The following SHROOM3 variants were observed in gnomAD, a reference collection of about 807,000 sequenced individuals.
The protein encoded by SHROOM3 is protein Shroom3.
Under a neutral mutation model 138.6 loss-of-function variants are expected in SHROOM3, and 47 were observed. That is an observed-to-expected ratio of 0.34 (90% confidence interval 0.27 to 0.43). SHROOM3 has a LOEUF of 0.43. Ranked by LOEUF, SHROOM3 falls within the 20% of genes least tolerant of loss-of-function variation. The probability of loss-of-function intolerance (pLI) is 1.00; values close to 1 mark genes in which losing one functional copy is unlikely to be tolerated. For synonymous variants in SHROOM3, 1,062 were observed against 1,063.3 expected (o/e 1.00, Z 0.02); for missense variants, 2,491 against 2,596.5 (o/e 0.96, Z 0.88).
chr4:76,490,360 C>G (rs1333682258), intron 1 of SHROOM3, among the ~76,000 whole-genome samples: 2 of 152,170 alleles, frequency 1.3e-5, no homozygotes, highest in African/African-American at 4.8e-5. Context: ...AGTTTCCCAT[C>G]TGACATGCAG....
At chr4:76,663,530 C>G (rs1229275396) in intron 2 of SHROOM3, among the ~76,000 whole-genome samples, 1 of 152,128 alleles carries the variant, frequency 6.6e-6, no homozygotes, top group African/African-American at 2.4e-5. Flanking sequence ...AGCCCAATCT[C>G]TCGTGAAGCT....
intron 2 of SHROOM3, among the ~76,000 whole-genome samples, chr4:76,640,677 T>C (rs1735641604): frequency 6.6e-6 from 1 of 152,240 alleles, no homozygotes; most frequent in Admixed American, 6.5e-5. Context: ...GTCTCTGAGC[T>C]GGTTGGCATC....
intron 2 of SHROOM3, among the ~76,000 whole-genome samples, chr4:76,590,256 T>C (rs1000285482): frequency 5.3e-5 from 8 of 152,186 alleles, no homozygotes; most frequent in African/African-American, 1.9e-4. Context: ...CTCTCTCCTC[T>C]GGCTTTTTCC....
intron 2 of SHROOM3, among the ~76,000 whole-genome samples, chr4:76,596,221 A>G (rs1407056849): frequency 6.6e-6 from 1 of 152,150 alleles, no homozygotes; most frequent in Non-Finnish European, 1.5e-5. Context: ...GAAATGTTTG[A>G]TATTCAGTAA....
intron 2 of SHROOM3, among the ~76,000 whole-genome samples, chr4:76,590,294 A>G (rs1203521797): frequency 6.6e-6 from 1 of 152,142 alleles, no homozygotes; most frequent in Non-Finnish European, 1.5e-5. Context: ...TTAGTTTATA[A>G]CAAATTTCAA....
intron 1 of SHROOM3, among the ~76,000 whole-genome samples, chr4:76,537,854 T>C (rs1733013543): frequency 6.6e-6 from 1 of 152,218 alleles, no homozygotes; most frequent in African/African-American, 2.4e-5. Flanking sequence ...AAGGTGATTA[T>C]GGTGATGGTT....
chr4:76,762,423 G>C (rs1462331686), intron 9 of SHROOM3, among the ~76,000 whole-genome samples: 1 of 152,206 alleles, frequency 6.6e-6, no homozygotes, highest in African/African-American at 2.4e-5. Context: ...AGGAAAAACA[G>C]CTCACATTTG....
chr4:76,658,695 T>C (rs748933815), intron 2 of SHROOM3, among the ~76,000 whole-genome samples: 20 of 152,228 alleles, frequency 1.3e-4, no homozygotes, highest in Admixed American at 3.9e-4. Context: ...TGTGTGTGTG[T>C]GCACATGCCC....
In SHROOM3 at chr4:76,661,386, C is replaced by T. The variant is rs562782219; in HGVS notation, c.324-48770C>T. 1.5e-3 allele frequency among the ~76,000 whole-genome samples: 225 copies of T among 152,254 alleles called. 6 individuals carry two copies. In the South Asian group the frequency reaches 0.037, roughly 25 times the overall value. ...CTGGGAATACAAGCGCCCGCCACCACGCCTGGCTAATTTTTTTGTATTTTT... is the reference window on the plus strand; with the variant it reads ...CTGGGAATACAAGCGCCCGCCACCATGCCTGGCTAATTTTTTTGTATTTTT... On this transcript the variant is annotated intron_variant, in intron 2 of 10. Coordinates refer to ENST00000296043, the MANE Select transcript of SHROOM3 (RefSeq NM_020859.4).
At chr4:76,445,890 G>T (rs2109966571) in intron 1 of SHROOM3, among the ~76,000 whole-genome samples, 1 of 152,220 alleles carries the variant, frequency 6.6e-6, no homozygotes, top group Non-Finnish European at 1.5e-5. Flanking sequence ...CTTTCCAAAA[G>T]ACAACTGTTA....
Position 76,730,902 on chromosome 4 carries a change from T to C in SHROOM3, c.554T>C (p.Ile185Thr). The change falls in exon 4 of 11, where the codon ATC becomes ACC. Residue 185 changes from isoleucine to threonine, a missense_variant. Ile to Thr is a moderately conservative substitution (Grantham distance 89). Around this residue, in one of 4 missense-constraint regions of SHROOM3, gnomAD observed 284 missense variants for 322.8 expected, o/e 0.88. Coordinates refer to ENST00000296043, the MANE Select transcript of SHROOM3 (RefSeq NM_020859.4). ...ATGATGCAGATATCTCAGGGTATGATCGGCCCTCCTTGGCACCAAAGCTAC... is the reference window on the plus strand; with the variant it reads ...ATGATGCAGATATCTCAGGGTATGACCGGCCCTCCTTGGCACCAAAGCTAC... ...ASMMQISQGM[I>T]GPPWHQSYHS... The C allele has an allele frequency of 1.2e-6, 2 of 1,614,134 alleles. No homozygotes were observed. Among genetic ancestry groups the C allele is most frequent in the Non-Finnish European group, 1.7e-6 (2 of 1,180,016 alleles).
intron 2 of SHROOM3, among the ~76,000 whole-genome samples, chr4:76,627,757 T>G (rs1735189044): frequency 6.6e-6 from 1 of 151,976 alleles, no homozygotes; most frequent in South Asian, 2.1e-4. Context: ...ACTGCAGCCT[T>G]GAACTCCTGG....
At chr4:76,606,005 ATATTTTT>A (rs1734610719) in intron 2 of SHROOM3, among the ~76,000 whole-genome samples, 2 of 102,988 alleles carry the variant, frequency 1.9e-5, no homozygotes, top group African/African-American at 4.1e-5. Context: ...ATATATATAT[ATATTTTT>A]TTTTTTTTTT....
chr4:76,625,098 T>C (rs1735103182), intron 2 of SHROOM3, among the ~76,000 whole-genome samples: 1 of 152,234 alleles, frequency 6.6e-6, no homozygotes, highest in African/African-American at 2.4e-5. Context: ...ACTTTTGGGC[T>C]GTAGTTCCCA....
At chr4:76,538,055 G>A (rs1341691985) in intron 1 of SHROOM3, among the ~76,000 whole-genome samples, 2 of 152,010 alleles carry the variant, frequency 1.3e-5, no homozygotes, top group Non-Finnish European at 2.9e-5. Context: ...TTACAGGCAT[G>A]CACCACCACT....
At chr4:76,473,060 C>G (rs1393935942) in intron 1 of SHROOM3, among the ~76,000 whole-genome samples, 2 of 152,044 alleles carry the variant, frequency 1.3e-5, no homozygotes, top group African/African-American at 4.8e-5. Flanking sequence ...CTTGATTTAG[C>G]CATTCTGCAA....
chr4:76,778,765 C>T (rs754468173), intron 10 of SHROOM3, 44 bp from the exon 11 acceptor site: 3 of 1,611,606 alleles, frequency 1.9e-6, no homozygotes, highest in Non-Finnish European at 2.5e-6. Flanking sequence ...GCTCTTTTCT[C>T]CCTTTCCCTG....
intron 9 of SHROOM3, among the ~76,000 whole-genome samples, chr4:76,763,492 C>T (rs1722052148): frequency 6.6e-6 from 1 of 152,000 alleles, no homozygotes; most frequent in African/African-American, 2.4e-5. Context: ...TTGAGCCCGA[C>T]AGGCAGAGGC....
At chr4:76,538,706 A>C (rs1733034455) in intron 1 of SHROOM3, among the ~76,000 whole-genome samples, 1 of 152,166 alleles carries the variant, frequency 6.6e-6, no homozygotes, top group Non-Finnish European at 1.5e-5. Flanking sequence ...TTTATTAATT[A>C]ATTCATTCAT....
Sources: gnomAD v4.1 joint callset for allele counts (sites outside exome capture counted in the v4.1 genomes callset) on GRCh38, gnomAD v4.1.1 for gene constraint, gnomAD v4.1.1 regional missense constraint, MANE v1.5 for transcripts, NCBI Gene and HGNC (gene_info 2026-07-23, HGNC 2026-07-21) for gene names.